Variants in MED24 observed in about 807,000 individuals in gnomAD.
MED24 encodes mediator of RNA polymerase II transcription subunit 24.
A neutral mutation model predicts 118.8 loss-of-function variants in MED24; 74 were observed. The observed-to-expected ratio is 0.62, with a 90% CI of 0.52 to 0.76. MED24 has a LOEUF of 0.76. Among genes scored for constraint, MED24 ranks in the 30% least tolerant of loss-of-function variants. The pLI is 0.00. For synonymous variants in MED24, 521 were observed against 523.9 expected (o/e 0.99, Z 0.08); for missense variants, 1,041 against 1,278.9 (o/e 0.81, Z 2.84).
intron 19 of MED24, among the ~76,000 whole-genome samples, chr17:40,025,291 T>C (rs1295737979): frequency 6.6e-6 from 1 of 152,010 alleles, no homozygotes; most frequent in African/African-American, 2.4e-5. Context: ...GACCTGGCAA[T>C]ATAGTGAGAC....
intron 6 of MED24, 105 bp downstream of exon 6, chr17:40,035,012 T>C: frequency 1.2e-6 from 2 of 1,612,972 alleles, no homozygotes; most frequent in Non-Finnish European, 1.7e-6. Context: ...TGGTTTCAGA[T>C]CCTCCTGGAA....
chr17:40,051,308 C>T (rs1424440991), intron 3 of MED24, among the ~76,000 whole-genome samples: 1 of 151,358 alleles, frequency 6.6e-6, no homozygotes, highest in Non-Finnish European at 1.5e-5. Flanking sequence ...AAGACTCCTT[C>T]TCAAAAAATA....
chr17:40,027,179 C>CG (rs1226691459), intron 16 of MED24, 145 bp from the exon 17 acceptor site: 10 of 1,164,544 alleles, frequency 8.6e-6, no homozygotes, highest in East Asian at 7.7e-5. Context: ...GGGAGCCAGA[C>CG]GGGGGCAATG....
In MED24 at chr17:40,019,900, C is replaced by T. The variant is rs1421605100; in HGVS notation, c.2738G>A (p.Gly913Glu). ...NLFLLISSILGSRTAGPHTQF... is the reference protein window; with the variant it reads ...NLFLLISSILESRTAGPHTQF... ...GGTGTGGGGGCCAGCGGTGCGAGAC[C>T]CCAGGATGGAGGAGATGAGCAGGAA... The change falls in exon 25 of 26, where the codon GGG (glycine) becomes GAG (glutamate). Residue 913 changes from glycine (G) to glutamate (E), a missense_variant. Coordinates refer to ENST00000394128, the MANE Select transcript of MED24 (RefSeq NM_014815.4). 1 of 1,574,128 alleles carries T rather than the reference C, an allele frequency of 6.4e-7. No individual in the cohort carries two copies. The highest frequency in any genetic ancestry group is 2.3e-5 in the East Asian group (1 of 43,006).
Position 40,022,737 on chromosome 17 carries a change from G to A in MED24, c.2340C>T (p.Thr780=). Residue 780 remains threonine (T), a synonymous_variant, in exon 21 of 26, where the codon ACC becomes ACT. Transcript: ENST00000394128. ...SIFCLDMQQV[T]LVLLGHILPG... ...GTAGGATGTGGCCCAGCAGGACCAG[G>A]GTCACTTGCTGCATGTCCAGGCAGA... 3 of 1,613,900 alleles carry A rather than the reference G, an allele frequency of 1.9e-6. No homozygotes were observed. Among genetic ancestry groups the A allele is most frequent in the African/African-American group, 1.3e-5 (1 of 74,988 alleles).
At position 40,053,513 on chromosome 17, in the gene MED24, T is replaced by C. The variant is rs751905493; in HGVS notation, c.86A>G (p.Lys29Arg). ...CCAGGTGGCTCCTTTAGGAAAGAAT[T>C]TCTTCATGTTGATTGCCCATTGGTA... ...SDYQWAINMK[K>R]FFPKGATWDI... The change falls in exon 2 of 26, where the codon AAA becomes AGA. Residue 29 changes from lysine (K) to arginine (R), a missense_variant. Transcript: ENST00000394128. The C allele has an allele frequency of 3.0e-5, 49 of 1,614,092 alleles. No individual in the cohort carries two copies. Among genetic ancestry groups the C allele is most frequent in the Non-Finnish European group, 3.8e-5 (45 of 1,180,036 alleles).
rs887316127 is a variant in MED24 at position 40,035,881 on chromosome 17, T to G, written c.253-86A>C. The G allele has an allele frequency of 4.1e-4, 541 of 1,331,060 alleles. 8 individuals are homozygous for G. In the South Asian group the frequency reaches 5.8e-3, roughly 14 times the overall value. The allele number at this position is 1,331,060 out of a possible 1,614,324, so 82.5% of individuals were successfully genotyped here. On this transcript the variant is annotated intron_variant, in intron 4 of 25. Transcript: ENST00000394128. Reference sequence around the variant, plus strand: ...AGGCAGACGGTGCATTCAGGACTCCTGCTCCTCTCTCCTCCAACCCTGGGT... The same window carrying G: ...AGGCAGACGGTGCATTCAGGACTCCGGCTCCTCTCTCCTCCAACCCTGGGT...
rs893034720 is a variant in MED24 at position 40,047,673 on chromosome 17, C to CA, written c.213+5624dup. ...CGAGACTCCATCTCATAAAAAAAAACAAAAAAACAAAAAACAAAAAACAAC... is the reference window on the plus strand; with the variant it reads ...CGAGACTCCATCTCATAAAAAAAAACAAAAAAAACAAAAAACAAAAAACAAC... On this transcript the variant is annotated intron_variant, in intron 3 of 25. Coordinates refer to ENST00000394128, the MANE Select transcript of MED24 (RefSeq NM_014815.4). Among the ~76,000 whole-genome samples the CA allele has an allele frequency of 8.8e-5, 13 of 148,012 alleles. No individual in the cohort carries two copies. In the East Asian group the frequency reaches 1.8e-3, roughly 20 times the overall value.
At chr17:40,046,919 C>T (rs1164424246) in intron 3 of MED24, among the ~76,000 whole-genome samples, 1 of 151,902 alleles carries the variant, frequency 6.6e-6, no homozygotes, top group Non-Finnish European at 1.5e-5. Flanking sequence ...TCAGCCTGGG[C>T]AACATAGGAA....
rs756011087 is a variant in MED24 at position 40,026,638 on chromosome 17, C to T, written c.1809+9G>A. 2.5e-6 allele frequency: 4 copies of T among 1,599,160 alleles called. No homozygotes were observed. The East Asian group carries it at 6.8e-5, about 27-fold the overall frequency. On this transcript the variant is annotated intron_variant, in intron 18 of 25. Coordinates refer to ENST00000394128, the MANE Select transcript of MED24 (RefSeq NM_014815.4). ...AGGGGAGCAAACGCTGCTGGGAAGG[C>T]GGGGCTACCTGGATGGACTCGAAGG...
rs1364319232 is a variant in MED24, at chr17:40,027,444, G to C, written c.1469C>G (p.Ala490Gly). 1 of 1,613,084 alleles carries C rather than the reference G, an allele frequency of 6.2e-7. No homozygotes were observed. The highest frequency in any genetic ancestry group is 8.5e-7 in the Non-Finnish European group (1 of 1,179,528). ...GAGGAAGGAGATGTCAAACAGCAGG[G>C]CCCGGACGGAGGCCGGTTTGGCTGT... ...EESTKPASVRALLFDISFLML... is the reference protein window; with the variant it reads ...EESTKPASVRGLLFDISFLML... The change falls in exon 16 of 26, where the codon GCC becomes GGC. Residue 490 changes from alanine (A) to glycine (G), a missense_variant. Coordinates refer to ENST00000394128, the MANE Select transcript of MED24 (RefSeq NM_014815.4).
chr17:40,042,040 T>C (rs1024849801), intron 3 of MED24, among the ~76,000 whole-genome samples: 2 of 152,154 alleles, frequency 1.3e-5, no homozygotes, highest in African/African-American at 2.4e-5. Flanking sequence ...AAGCTGAAAA[T>C]ACTTACTATC....
chr17:40,022,311 T>C lies in MED24; in HGVS notation c.2523+83A>G, dbSNP rs1982116409. On this transcript the variant is annotated intron_variant, in intron 22 of 25. Transcript: ENST00000394128. ...CCCAAGGGCAGGGGCCACAACTGCTTCCCTTTGCCTGGGGAATCCTTAGGA... is the reference window on the plus strand; with the variant it reads ...CCCAAGGGCAGGGGCCACAACTGCTCCCCTTTGCCTGGGGAATCCTTAGGA... The C allele has an allele frequency of 5.0e-6, 7 of 1,411,744 alleles. No homozygotes were observed. In the South Asian group the frequency reaches 8.8e-5, roughly 18 times the overall value. 87.5% of individuals were successfully genotyped at this position (1,411,744 alleles called of 1,614,324 possible).
chr17:40,047,085 G>A (rs1225149387), intron 3 of MED24, among the ~76,000 whole-genome samples: 4 of 152,014 alleles, frequency 2.6e-5, no homozygotes, highest in African/African-American at 4.8e-5. Flanking sequence ...ACTCCAGCCT[G>A]GGTAACAGAG....
At chr17:40,028,197 C>T in intron 14 of MED24, 1 of 418,882 alleles carries the variant, frequency 2.4e-6, no homozygotes, top group Non-Finnish European at 4.4e-6. Flanking sequence ...CTCACTGCAA[C>T]CTCCGCCTCT....
At chr17:40,023,690 C>T (rs1178287400) in intron 19 of MED24, 2 of 333,190 alleles carry the variant, frequency 6.0e-6, no homozygotes, top group East Asian at 6.2e-5. Context: ...TCTCCAACTT[C>T]CCCCATCCCC....
chr17:40,031,686 C>T (rs1238118910), intron 10 of MED24, 66 bp from the exon 11 acceptor site: 2 of 1,477,366 alleles, frequency 1.4e-6, no homozygotes, highest in Non-Finnish European at 1.9e-6. Context: ...CTCAGGCAAC[C>T]TTGTCTGCTG....
In MED24 at chr17:40,043,139, G is replaced by T. The variant is rs368492853; in HGVS notation, c.214-6985C>A. Among the ~76,000 whole-genome samples the T allele has an allele frequency of 3.5e-4, 54 of 152,216 alleles. No homozygotes were observed. In the East Asian group the frequency reaches 8.7e-3, roughly 24 times the overall value. ...ATTTTTACATTTTTAGTAGAGACAGGGTTTCACCATGTTGGCCAGACTAGT... is the reference window on the plus strand; with the variant it reads ...ATTTTTACATTTTTAGTAGAGACAGTGTTTCACCATGTTGGCCAGACTAGT... On this transcript the variant is annotated intron_variant, in intron 3 of 25. Transcript: ENST00000394128.
Position 40,033,675 on chromosome 17 carries a change from A to C in MED24, c.560-219T>G. 1 of 671,940 alleles carries C rather than the reference A, an allele frequency of 1.5e-6. No homozygotes were observed. Among genetic ancestry groups the C allele is most frequent in the East Asian group, 2.9e-5 (1 of 34,622 alleles). 41.6% of individuals were successfully genotyped at this position (671,940 alleles called of 1,614,324 possible). On this transcript the variant is annotated intron_variant, in intron 6 of 25. Coordinates refer to ENST00000394128, the MANE Select transcript of MED24 (RefSeq NM_014815.4). This position sits in a 1 kb window ranked among gnomAD's most constrained non-coding sequence, Gnocchi z 5.2. ...TGGAAACCCCAGAGACCATTCCCAA[A>C]AGCCTGATTTCCAGGGGACACAGCC...
Sources: allele counts gnomAD v4.1 joint callset (sites outside exome capture counted in the v4.1 genomes callset), GRCh38; gene constraint gnomAD v4.1.1; non-coding constraint Gnocchi (gnomAD v3.1); transcripts MANE v1.5; gene names NCBI Gene and HGNC (gene_info 2026-07-23, HGNC 2026-07-21).